The following KCNMB2 variants were observed in gnomAD, a reference collection of about 807,000 sequenced individuals.
The protein encoded by KCNMB2 is calcium-activated potassium channel subunit beta-2.
In KCNMB2, 9 loss-of-function variants were observed where a neutral mutation model predicts 24.5. That is an observed-to-expected ratio of 0.37 (90% CI 0.22 to 0.64). The LOEUF is 0.64. KCNMB2 is among the 30% of genes least tolerant of loss of function. KCNMB2 has a pLI of 0.63. For missense variants in KCNMB2, 226 were observed against 284.3 expected (o/e 0.79, Z 1.47); for synonymous variants, 109 against 104.4 (o/e 1.04, Z -0.27).
chr3:178,749,245 A>G (rs536666184), intron 1 of KCNMB2: 44 of 152,338 alleles, frequency 2.9e-4, no homozygotes, highest in African/African-American at 1.0e-3. Flanking sequence ...GCCTGCAGAG[A>G]AAAAGAAAAT....
Position 178,827,619 on chromosome 3 carries a change from T to C in KCNMB2, c.228-559T>C, listed in dbSNP as rs1310183473. Among the ~76,000 whole-genome samples the C allele has an allele frequency of 2.0e-5, 3 of 152,342 alleles. No individual in the cohort carries two copies. The South Asian group carries it at 6.2e-4, about 32-fold the overall frequency. ...GACATAATGAAAGGGTTGAGTTATCTTTTTTCCCTTATTAGAAAGACCTTA... is the reference window on the plus strand; with the variant it reads ...GACATAATGAAAGGGTTGAGTTATCCTTTTTCCCTTATTAGAAAGACCTTA... On this transcript the variant is annotated intron_variant, in intron 3 of 4. Transcript: ENST00000452583.
intron 1 of KCNMB2, among the ~76,000 whole-genome samples, chr3:178,638,765 C>G (rs2108546282): frequency 6.6e-6 from 1 of 152,226 alleles, no homozygotes; most frequent in Non-Finnish European, 1.5e-5. Flanking sequence ...GTAGAAAGAA[C>G]ATATCAATTA....
At chr3:178,763,434 AC>A (rs879388301) in intron 1 of KCNMB2, among the ~76,000 whole-genome samples, 28 of 152,156 alleles carry the variant, frequency 1.8e-4, no homozygotes, top group African/African-American at 6.8e-4. Flanking sequence ...ATAGGAAAAG[AC>A]TGTGAAATCG....
intron 1 of KCNMB2, among the ~76,000 whole-genome samples, chr3:178,721,791 T>C (rs1384718154): frequency 6.6e-6 from 1 of 152,200 alleles, no homozygotes; most frequent in African/African-American, 2.4e-5. Flanking sequence ...TGTCATACTA[T>C]CTTATTTTGG....
At chr3:178,664,755 T>C (rs6778838) in intron 1 of KCNMB2, among the ~76,000 whole-genome samples, 3 of 151,840 alleles carry the variant, frequency 2.0e-5, no homozygotes, top group Non-Finnish European at 4.4e-5. Context: ...GGGAAAAATT[T>C]CATTTTCACG....
intron 1 of KCNMB2, among the ~76,000 whole-genome samples, chr3:178,645,242 G>T (rs914913098): frequency 6.6e-6 from 1 of 151,810 alleles, no homozygotes; most frequent in Non-Finnish European, 1.5e-5. Context: ...TAGAGACGGG[G>T]TTTCTCCATG....
chr3:178,550,184 C>G (rs1715901584), intron 1 of KCNMB2, among the ~76,000 whole-genome samples: 1 of 152,034 alleles, frequency 6.6e-6, no homozygotes, highest in Non-Finnish European at 1.5e-5. Context: ...GGCACAGTGG[C>G]TCACGCCTGT....
chr3:178,840,546 C>T lies in KCNMB2; in HGVS notation c.424-2107C>T, dbSNP rs559966558. ...CTACATCAGAATTCTGCCTGGACAC[C>T]CAGGCATTTCTATCTATCCTCTGAA... On this transcript the variant is annotated intron_variant, in intron 4 of 4. Transcript: ENST00000452583. Among the ~76,000 whole-genome samples the T allele has an allele frequency of 1.9e-3, 289 of 152,336 alleles. 4 individuals are homozygous for T. Among genetic ancestry groups the T allele is most frequent in the South Asian group, 2.5e-3 (12 of 4,824 alleles).
chr3:178,654,784 G>A (rs963547810), intron 1 of KCNMB2, among the ~76,000 whole-genome samples: 1 of 152,168 alleles, frequency 6.6e-6, no homozygotes, highest in Non-Finnish European at 1.5e-5. Flanking sequence ...GTAAGGTGGA[G>A]CTGTATTGTT....
At chr3:178,639,598 G>T (rs556069364) in intron 1 of KCNMB2, among the ~76,000 whole-genome samples, 1 of 152,280 alleles carries the variant, frequency 6.6e-6, no homozygotes, top group South Asian at 2.1e-4. Context: ...AAATCCCAGG[G>T]TTCTTCATCC....
intron 1 of KCNMB2, among the ~76,000 whole-genome samples, chr3:178,711,340 G>A (rs531362248): frequency 2.0e-5 from 3 of 152,236 alleles, no homozygotes; most frequent in South Asian, 2.1e-4. Flanking sequence ...CATTTGGTCT[G>A]CAGCAATTTG....
intron 1 of KCNMB2, among the ~76,000 whole-genome samples, chr3:178,703,636 C>A (rs775907281): frequency 7.9e-5 from 12 of 152,164 alleles, no homozygotes; most frequent in Non-Finnish European, 1.5e-4. Flanking sequence ...TAATGCTGGA[C>A]CAAAATTATA....
intron 1 of KCNMB2, among the ~76,000 whole-genome samples, chr3:178,542,579 A>C (rs1715655530): frequency 6.6e-6 from 1 of 152,222 alleles, no homozygotes; most frequent in Admixed American, 6.5e-5. Flanking sequence ...ACTCCTGATA[A>C]ATAGAATGTT....
intron 1 of KCNMB2, among the ~76,000 whole-genome samples, chr3:178,793,457 G>T (rs1713402936): frequency 6.6e-6 from 1 of 151,154 alleles, no homozygotes; most frequent in Non-Finnish European, 1.5e-5. Flanking sequence ...CTGGACTACA[G>T]TGATGGAGGG....
intron 1 of KCNMB2, among the ~76,000 whole-genome samples, chr3:178,781,774 C>T (rs953590072): frequency 6.6e-6 from 1 of 151,562 alleles, no homozygotes; most frequent in African/African-American, 2.4e-5. Flanking sequence ...CACTTTCTAA[C>T]ATGAAACCGC....
At chr3:178,589,449 G>T (rs1158496169) in intron 1 of KCNMB2, among the ~76,000 whole-genome samples, 1 of 152,000 alleles carries the variant, frequency 6.6e-6, no homozygotes, top group East Asian at 1.9e-4. Flanking sequence ...TTTTTTCCTT[G>T]GGGGGAGGGG....
At chr3:178,684,540 G>A (rs1721390995) in intron 1 of KCNMB2, among the ~76,000 whole-genome samples, 1 of 152,056 alleles carries the variant, frequency 6.6e-6, no homozygotes, top group Non-Finnish European at 1.5e-5. Context: ...GAGATAATGG[G>A]TATGTGGCCA....
intron 1 of KCNMB2, among the ~76,000 whole-genome samples, chr3:178,692,452 T>G (rs1284162866): frequency 6.6e-6 from 1 of 152,250 alleles, no homozygotes; most frequent in Non-Finnish European, 1.5e-5. Flanking sequence ...AATTTCAATC[T>G]TCTGCATTTG....
At chr3:178,642,832 T>C (rs1438355126) in intron 1 of KCNMB2, among the ~76,000 whole-genome samples, 1 of 152,240 alleles carries the variant, frequency 6.6e-6, no homozygotes, top group East Asian at 1.9e-4. Context: ...ATCATTCAAA[T>C]GAGGTGACTG....
Sources: gnomAD v4.1 joint callset for allele counts (sites outside exome capture counted in the v4.1 genomes callset) on GRCh38, gnomAD v4.1.1 for gene constraint, MANE v1.5 for transcripts, NCBI Gene and HGNC (gene_info 2026-07-23, HGNC 2026-07-21) for gene names.